Variants in TTN observed in about 807,000 individuals in gnomAD.
The protein encoded by TTN is titin.
A neutral mutation model predicts 3,223.0 loss-of-function variants in TTN; 1,525 were observed. That is an observed-to-expected ratio of 0.47 (90% CI 0.45 to 0.49). The LOEUF (loss-of-function observed/expected upper bound fraction) is 0.49. Ranked by LOEUF, TTN falls within the 20% of genes least tolerant of loss-of-function variation. The pLI is 0.00. For synonymous variants in TTN, 14,094 were observed against 15,161.0 expected (o/e 0.93, Z 5.17); for missense variants, 40,786 against 43,424.0 (o/e 0.94, Z 5.40).
rs752075170 is a variant in TTN, at chr2:178,543,381, G to C, written c.96592C>G (p.Leu32198Val). The C allele has an allele frequency of 3.7e-6, 6 of 1,613,876 alleles. No individual in the cohort carries two copies. Among genetic ancestry groups the C allele is most frequent in the Middle Eastern group, 1.7e-4 (1 of 6,060 alleles). ...GGCACCAAAGGCACTTCTGAGACCA[G>C]TACTGCATCAGATGTTTCACAAGGT... Reference protein sequence around the residue: ...GEPCETSDAVLVSEVPLVPAK... With the variant: ...GEPCETSDAVVVSEVPLVPAK... Residue 32198 changes from leucine to valine, a missense_variant, in exon 347 of 363, where the codon CTG becomes GTG. Coordinates refer to ENST00000589042, the MANE Select transcript of TTN (RefSeq NM_001267550.2).
At chr2:178,681,577 C>A in intron 136 of TTN, 84 bp downstream of exon 136, 1 of 1,471,164 alleles carries the variant, frequency 6.8e-7, no homozygotes, top group Non-Finnish European at 9.3e-7. Flanking sequence ...TTGTACACTG[C>A]CACTTTTACA....
At chr2:178,778,414 A>ATGATGCGGCG in intron 24 of TTN, 2 of 247,216 alleles carry the variant, frequency 8.1e-6, no homozygotes, top group Non-Finnish European at 7.9e-6. Context: ...TGAATTTGGA[A>ATGATGCGGCG]ACAAAACAAA....
intron 354 of TTN, 108 bp from the exon 355 acceptor site, chr2:178,538,025 A>T (rs1692446789): frequency 2.0e-6 from 2 of 1,016,136 alleles, no homozygotes; most frequent in African/African-American, 3.3e-5. Flanking sequence ...ACATACCATG[A>T]TTTACATATT....
Position 178,539,699 on chromosome 2 carries a change from T to C in TTN, c.98366A>G (p.Lys32789Arg), listed in dbSNP as rs748701203. 83 of 1,613,646 alleles carry C rather than the reference T, an allele frequency of 5.1e-5. No homozygotes were observed. The highest frequency in any genetic ancestry group is 3.4e-6 in the Non-Finnish European group (4 of 1,179,796). The change falls in exon 352 of 363, where the codon AAG becomes AGG. Residue 32789 changes from lysine to arginine, a missense_variant. Lys to Arg is a conservative substitution (Grantham distance 26, BLOSUM62 2). Transcript: ENST00000589042. ...GTTGGGACTTCCTATCACCCTGACC[T>C]TGATGTAGACAGCCTTCTTGCCACA... Reference protein sequence around the residue: ...NKCGKKAVYIKVRVIGSPNSP... With the variant: ...NKCGKKAVYIRVRVIGSPNSP...
Position 178,609,587 on chromosome 2 carries a change from C to A in TTN, c.51740-17G>T, listed in dbSNP as rs1271846679. ...TGGGGGCATCTATAGTGATCATAAC[C>A]AATAAATGTTTTCAATTCTGATGAA... On this transcript the variant is annotated splice_polypyrimidine_tract_variant and intron_variant, in intron 272 of 362. Transcript: ENST00000589042. 2.4e-5 allele frequency: 37 copies of A among 1,568,218 alleles called. No homozygotes were observed. In the South Asian group the frequency reaches 4.3e-4, roughly 18 times the overall value.
Position 178,566,735 on chromosome 2 carries a change from G to C in TTN, c.79397C>G (p.Ala26466Gly), listed in dbSNP as rs762829887. The C allele has an allele frequency of 8.7e-6, 14 of 1,613,226 alleles. No homozygotes were observed. Among genetic ancestry groups the C allele is most frequent in the Non-Finnish European group, 1.1e-5 (13 of 1,179,680 alleles). ...TGGACTTGGTTCCCCAACTCCAGCA[G>C]CATTTTCTGCAGAGACCCTGAATTC... ...EYEFRVSAEN[A>G]AGVGEPSPAT... The change falls in exon 326 of 363, where the codon GCT (alanine) becomes GGT (glycine). Residue 26466 changes from alanine (A) to glycine (G), a missense_variant. By Grantham distance (60) the Ala-to-Gly change is moderately conservative. Transcript: ENST00000589042.
intron 24 of TTN, chr2:178,778,190 A>T: frequency 1.6e-6 from 1 of 613,234 alleles, no homozygotes. Flanking sequence ...GCTGGTAGTC[A>T]TTCAGTATAT....
chr2:178,624,358 G>GA, intron 242 of TTN, 107 bp downstream of exon 242: 1 of 1,447,940 alleles, frequency 6.9e-7, no homozygotes, highest in Non-Finnish European at 9.6e-7. Context: ...AAGTTGCCAA[G>GA]AAATGCAGTT....
intron 330 of TTN, chr2:178,555,656 A>C (rs1427627438): frequency 6.4e-6 from 1 of 156,322 alleles, no homozygotes; most frequent in African/African-American, 2.4e-5. Context: ...ATTATCAAGA[A>C]AGATAACTAA....
rs754625556 is a variant in TTN, at chr2:178,535,392, C to G, written c.101223G>C (p.Gln33741His). Reference protein sequence around the residue: ...TTAERWLRVGQARETRYTVIN... With the variant: ...TTAERWLRVGHARETRYTVIN... ...TCACGGTATAACGTGTTTCTCGGGC[C>G]TGTCCTACACGGAGCCATCTTTCTG... Residue 33741 changes from glutamine to histidine, a missense_variant, in exon 358 of 363, where the codon CAG becomes CAC. Coordinates refer to ENST00000589042, the MANE Select transcript of TTN (RefSeq NM_001267550.2). 6.2e-7 allele frequency: 1 copy of G among 1,613,882 alleles called. No individual in the cohort carries two copies. The highest frequency in any genetic ancestry group is 1.1e-5 in the South Asian group (1 of 91,082).
In TTN at chr2:178,538,650, A is replaced by G. The variant is rs763888823; in HGVS notation, c.99179T>C (p.Ile33060Thr). 4 of 1,613,660 alleles carry G rather than the reference A, an allele frequency of 2.5e-6. No individual in the cohort carries two copies. Among genetic ancestry groups the G allele is most frequent in the South Asian group, 1.1e-5 (1 of 91,070 alleles). ...CTCAGTAGCTTCCAGCAAACCTCCT[A>G]TTGTGAATTGCTTGTCCTTAATACG... ...KERIKDKQFT[I>T]GGLLEATEYE... The change falls in exon 354 of 363, where the codon ATA (isoleucine) becomes ACA (threonine). Residue 33060 changes from isoleucine (I) to threonine (T), a missense_variant. Ile to Thr is a moderately conservative substitution (Grantham distance 89, BLOSUM62 -1). Coordinates refer to ENST00000589042, the MANE Select transcript of TTN (RefSeq NM_001267550.2).
At chr2:178,680,226 A>G (rs2069035465) in intron 139 of TTN, 28 bp downstream of exon 139, 1 of 1,608,426 alleles carries the variant, frequency 6.2e-7, no homozygotes, top group Non-Finnish European at 8.5e-7. Context: ...AAGACGAACA[A>G]AACATTAAAA....
Position 178,532,469 on chromosome 2 carries a change from G to T in TTN, c.104146C>A (p.His34716Asn), listed in dbSNP as rs1026038336. Reference sequence around the variant, plus strand: ...TTTCTTGTTTCCTCCACCTTGACATGAGCTTGTGGTGAAGAGTAACGTAGG... The same window carrying T: ...TTTCTTGTTTCCTCCACCTTGACATTAGCTTGTGGTGAAGAGTAACGTAGG... ...SSLRYSSPQA[H>N]VKVEETRKDF... Residue 34716 changes from histidine to asparagine, a missense_variant, in exon 358 of 363, where the codon CAT (histidine) becomes AAT (asparagine). Transcript: ENST00000589042. The T allele has an allele frequency of 6.2e-7, 1 of 1,613,998 alleles. No individual in the cohort carries two copies. Among genetic ancestry groups the T allele is most frequent in the Non-Finnish European group, 8.5e-7 (1 of 1,179,874 alleles).
rs1425430505 is a variant in TTN at position 178,741,137 on chromosome 2, G to T, written c.12096C>A (p.Asp4032Glu). The T allele has an allele frequency of 1.2e-6, 2 of 1,613,504 alleles. No individual in the cohort carries two copies. The highest frequency in any genetic ancestry group is 2.7e-5 in the African/African-American group (2 of 74,916). ...TGCAGGGGGTATCAGTCATGTCTGT[G>T]TCTTCCAGAAGCACAAGCAGCTCTG... is the stretch of plus-strand genomic sequence containing the variant. ...CAAELLVLLE[D>E]TDMTDTPCKA... The change falls in exon 48 of 363, where the codon GAC becomes GAA. Residue 4032 changes from aspartate to glutamate, a missense_variant. Physicochemically the swap from Asp to Glu is conservative, Grantham distance 45. Coordinates refer to ENST00000589042, the MANE Select transcript of TTN (RefSeq NM_001267550.2).
Position 178,547,212 on chromosome 2 carries a change from C to T in TTN, c.94313G>A (p.Ser31438Asn), listed in dbSNP as rs769930510. 3 of 1,613,822 alleles carry T rather than the reference C, an allele frequency of 1.9e-6. No homozygotes were observed. The highest frequency in any genetic ancestry group is 3.3e-5 in the Admixed American group (2 of 60,014). ...RWEEPYHDGG[S>N]KIIGYWVEKK... The stretch of plus-strand genomic sequence containing the variant: ...CTCAACCCAGTAGCCAATGATTTTA[C>T]TGCCACCATCGTGGTAGGGTTCTTC... The change falls in exon 340 of 363, where the codon AGT becomes AAT. Residue 31438 changes from serine to asparagine, a missense_variant. Transcript: ENST00000589042.
chr2:178,552,968 T>G lies in TTN; in HGVS notation c.89932A>C (p.Arg29978=). 1 of 1,613,004 alleles carries G rather than the reference T, an allele frequency of 6.2e-7. No homozygotes were observed. Among genetic ancestry groups the G allele is most frequent in the Non-Finnish European group, 8.5e-7 (1 of 1,179,800 alleles). The change falls in exon 335 of 363, where the codon AGA becomes CGA. Residue 29978 remains arginine, a synonymous_variant. Transcript: ENST00000589042. ...TTGTGTGACACGACAGACCATGTTC[T>G]CTTGGTGGCATCTCTCTTTTCAATG... ...YVIEKRDATK[R]TWSVVSHKCS... is the part of the protein sequence containing the mutation.
Position 178,528,837 on chromosome 2 carries a change from C to T in TTN, c.106914G>A (p.Trp35638Ter). 1 of 1,613,910 alleles carries T rather than the reference C, an allele frequency of 6.2e-7. No homozygotes were observed. The highest frequency in any genetic ancestry group is 1.1e-5 in the South Asian group (1 of 91,082). ...TGGTAAGCTCTACGCCATTCAGTAC[C>T]CATTTCACATCAGTGGCACCAGCAA... Reference protein sequence around the residue: ...ANIAGATDVKWVLNGVELTNS... With the variant: ...ANIAGATDVK Residue 35638 changes from tryptophan to a stop codon, truncating the protein, a stop_gained, in exon 360 of 363, where the codon TGG (tryptophan) becomes TGA (stop). Coordinates refer to ENST00000589042, the MANE Select transcript of TTN (RefSeq NM_001267550.2). LOFTEE classifies it high-confidence loss of function.
At chr2:178,751,567 T>C (rs778263387) in intron 47 of TTN, 7 of 1,613,188 alleles carry the variant, frequency 4.3e-6, no homozygotes, top group Non-Finnish European at 5.9e-6. Context: ...GTTCTGCTCT[T>C]TTCAGAAATT....
At chr2:178,791,937 G>C in intron 10 of TTN, 135 bp downstream of exon 10, 1 of 890,574 alleles carries the variant, frequency 1.1e-6, no homozygotes, top group Non-Finnish European at 1.7e-6. Context: ...TTCAATACTA[G>C]ACATAGAGGA....
Sources: gnomAD v4.1 joint callset for allele counts on GRCh38, gnomAD v4.1.1 for gene constraint, MANE v1.5 for transcripts, NCBI Gene and HGNC (gene_info 2026-07-23, HGNC 2026-07-21) for gene names.